Variants in ABLIM2 observed in about 807,000 individuals in gnomAD.
The protein encoded by ABLIM2 is actin-binding LIM protein 2.
In ABLIM2, 53 loss-of-function variants were observed where a neutral mutation model predicts 97.7. That is an observed-to-expected ratio of 0.54 (90% CI 0.44 to 0.68). The LOEUF (loss-of-function observed/expected upper bound fraction) is 0.68. ABLIM2 is among the 30% of genes least tolerant of loss of function. The probability of loss-of-function intolerance (pLI) is 0.00; values close to 1 mark genes in which losing one functional copy is unlikely to be tolerated. For synonymous variants in ABLIM2, 361 were observed against 345.8 expected (o/e 1.04, Z -0.49); for missense variants, 835 against 867.2 (o/e 0.96, Z 0.47).
chr4:8,075,288 C>T lies in ABLIM2; in HGVS notation c.675+2340G>A, dbSNP rs537317377. On this transcript the variant is annotated intron_variant, in intron 6 of 20. Coordinates refer to ENST00000447017, the MANE Select transcript of ABLIM2 (RefSeq NM_001130083.2). The surrounding 1 kb of genome is among the most constrained non-coding windows in gnomAD (Gnocchi z 4.4). ...TAGAATGGTGGTTGCCGAGGGCTTG[C>T]GGGTACGGGGAGTGACAGCTAAAAG... Among the ~76,000 whole-genome samples the T allele has an allele frequency of 2.9e-3, 437 of 152,130 alleles. 2 individuals carry two copies. The highest frequency in any genetic ancestry group is 3.3e-3 in the Non-Finnish European group (222 of 68,004).
intron 6 of ABLIM2, among the ~76,000 whole-genome samples, chr4:8,076,236 G>T (rs1815942207): frequency 6.6e-6 from 1 of 152,230 alleles, no homozygotes; most frequent in Admixed American, 6.5e-5. Flanking sequence ...TTTGAAAGAA[G>T]GTGGCCTGAG....
intron 20 of ABLIM2, among the ~76,000 whole-genome samples, chr4:7,975,017 G>A (rs1413639736): frequency 1.3e-5 from 2 of 152,318 alleles, no homozygotes; most frequent in Admixed American, 6.5e-5. Context: ...CCAGGAATTT[G>A]AGACCAGCCA....
At chr4:8,057,230 C>G (rs1799870401) in intron 7 of ABLIM2, among the ~76,000 whole-genome samples, 1 of 151,740 alleles carries the variant, frequency 6.6e-6, no homozygotes, top group Non-Finnish European at 1.5e-5. Context: ...TTCTGAGTAG[C>G]TGGGATTACA....
intron 9 of ABLIM2, among the ~76,000 whole-genome samples, chr4:8,038,515 C>T (rs552643932): frequency 6.6e-6 from 1 of 152,298 alleles, no homozygotes; most frequent in East Asian, 1.9e-4. Context: ...CCCATGTCCC[C>T]AGGTGTGCCA....
In ABLIM2 at chr4:8,140,821, G is replaced by A. The variant is rs556378177; in HGVS notation, c.10+17859C>T. Among the ~76,000 whole-genome samples, 2 of 152,284 alleles carry A rather than the reference G, an allele frequency of 1.3e-5. No homozygotes were observed. Among genetic ancestry groups the A allele is most frequent in the African/African-American group, 4.8e-5 (2 of 41,548 alleles). On this transcript the variant is annotated intron_variant, in intron 1 of 20. Coordinates refer to ENST00000447017, the MANE Select transcript of ABLIM2 (RefSeq NM_001130083.2). This position sits in a 1 kb window ranked among gnomAD's most constrained non-coding sequence, Gnocchi z 5.9. ...TTTACCCCAGCTCCTGAGTCAGGGT[G>A]GGGTTCAGGGCAGGGAGGTGGCTGC...
rs1373753086 is a variant in ABLIM2, at chr4:8,058,329, T to C, written c.763+2638A>G. On this transcript the variant is annotated intron_variant, in intron 7 of 20. Coordinates refer to ENST00000447017, the MANE Select transcript of ABLIM2 (RefSeq NM_001130083.2). The surrounding 1 kb of genome is among the most constrained non-coding windows in gnomAD (Gnocchi z 4.2). ...GAACAGGCGACACCGGGGACGAGGC[T>C]GTCCTGTCTGACATCACCCCGCTGG... Among the ~76,000 whole-genome samples, 1 of 152,188 alleles carries C rather than the reference T, an allele frequency of 6.6e-6. No individual in the cohort carries two copies. The highest frequency in any genetic ancestry group is 2.4e-5 in the African/African-American group (1 of 41,458).
At chr4:8,059,916 AAAAAAAAAAAAC>A (rs768971437) in intron 7 of ABLIM2, among the ~76,000 whole-genome samples, 21,606 of 105,164 alleles carry the variant, frequency 0.21, 1,968 homozygotes, top group East Asian at 0.55. Context: ...CAAAAAAAAA[AAAAAAAAAAAAC>A]CCCAAAAAAC....
rs1181880876 is a variant in ABLIM2 at position 8,127,598 on chromosome 4, G to T, written c.11-20961C>A. On this transcript the variant is annotated intron_variant, in intron 1 of 20. Transcript: ENST00000447017. This position sits in a 1 kb window ranked among gnomAD's most constrained non-coding sequence, Gnocchi z 7.3. The stretch of plus-strand genomic sequence containing the variant: ...GAGCGTGGCTGCTTGCAAAGGGCCA[G>T]CGGGTCGGCGGCTCTCCCTCTGCGT... 7.8e-7 allele frequency: 1 copy of T among 1,289,532 alleles called. No individual in the cohort carries two copies. The highest frequency in any genetic ancestry group is 5.5e-5 in the East Asian group (1 of 18,028). The allele number at this position is 1,289,532 out of a possible 1,614,324, so 79.9% of individuals were successfully genotyped here.
In ABLIM2 at chr4:8,027,606, C is replaced by T. The variant is rs1019199956; in HGVS notation, c.1267+153G>A. Among the ~76,000 whole-genome samples, 6 of 152,146 alleles carry T rather than the reference C, an allele frequency of 3.9e-5. No homozygotes were observed. The East Asian group carries it at 5.8e-4, about 15-fold the overall frequency. ...CCAGGAACATTTGCTCATGGACACACGGAGCCAGACACACAAGACACACAC... is the reference window on the plus strand; with the variant it reads ...CCAGGAACATTTGCTCATGGACACATGGAGCCAGACACACAAGACACACAC... On this transcript the variant is annotated intron_variant, in intron 12 of 20. Coordinates refer to ENST00000447017, the MANE Select transcript of ABLIM2 (RefSeq NM_001130083.2).
chr4:8,060,264 A>G (rs902498718), intron 7 of ABLIM2, among the ~76,000 whole-genome samples: 5 of 152,196 alleles, frequency 3.3e-5, no homozygotes, highest in Non-Finnish European at 7.3e-5. Flanking sequence ...AAAAGGGTTA[A>G]TCTGGGAGGA....
At chr4:8,062,708 G>C (rs1032189113) in intron 6 of ABLIM2, among the ~76,000 whole-genome samples, 10 of 152,090 alleles carry the variant, frequency 6.6e-5, no homozygotes, top group Admixed American at 5.9e-4. Flanking sequence ...CAAAGTGTTG[G>C]GATTACAGGC....
chr4:8,006,885 G>C (rs566576034), intron 16 of ABLIM2: 25 of 401,910 alleles, frequency 6.2e-5, no homozygotes, highest in African/African-American at 4.8e-4. Flanking sequence ...GCAGGGGGGG[G>C]GTGGCTTTCC....
rs1440166109 is a variant in ABLIM2 at position 8,085,360 on chromosome 4, TC to T, written c.454+2808del. 6.6e-6 allele frequency among the ~76,000 whole-genome samples: 1 copy of T among 152,150 alleles called. No individual in the cohort carries two copies. The highest frequency in any genetic ancestry group is 1.5e-5 in the Non-Finnish European group (1 of 68,004). On this transcript the variant is annotated intron_variant, in intron 4 of 20. Transcript: ENST00000447017. This position sits in a 1 kb window ranked among gnomAD's most constrained non-coding sequence, Gnocchi z 6.1. ...CAACCATCTATTGCTCCTCACGGCCTCCAGATGTACCGAGAACACCACGGCG... is the reference window on the plus strand; with the variant it reads ...CAACCATCTATTGCTCCTCACGGCCTCAGATGTACCGAGAACACCACGGCG...
chr4:7,972,866 G>T (rs113091506), intron 20 of ABLIM2, among the ~76,000 whole-genome samples: 1 of 152,116 alleles, frequency 6.6e-6, no homozygotes, highest in South Asian at 2.1e-4. Flanking sequence ...GTCACCCTCA[G>T]TCTACCAGGA....
Position 8,150,051 on chromosome 4 carries a change from C to T in ABLIM2, c.10+8629G>A, listed in dbSNP as rs547486227. 3.3e-5 allele frequency among the ~76,000 whole-genome samples: 5 copies of T among 152,168 alleles called. No individual in the cohort carries two copies. The highest frequency in any genetic ancestry group is 7.4e-5 in the Non-Finnish European group (5 of 68,018). ...ACCACCTGCACCCAAGTTCCCACTG[C>T]ACCTACTCAGGGAGCCTAAATGGAG... On this transcript the variant is annotated intron_variant, in intron 1 of 20. Transcript: ENST00000447017. The surrounding 1 kb of genome is among the most constrained non-coding windows in gnomAD (Gnocchi z 6.3).
intron 1 of ABLIM2, among the ~76,000 whole-genome samples, chr4:8,137,234 C>A (rs573738382): frequency 3.3e-5 from 5 of 152,228 alleles, no homozygotes; most frequent in Admixed American, 2.6e-4. Context: ...CGCTAGGACC[C>A]CCCCACTCTG....
In ABLIM2 at chr4:8,097,221, C is replaced by A. The variant is rs753188753; in HGVS notation, c.216G>T (p.Thr72=). 96 of 1,583,734 alleles carry A rather than the reference C, an allele frequency of 6.1e-5. No homozygotes were observed. Among genetic ancestry groups the A allele is most frequent in the Non-Finnish European group, 7.9e-5 (92 of 1,166,000 alleles). Residue 72 remains threonine (T), a synonymous_variant, in exon 3 of 21, where the codon ACG becomes ACT. Coordinates refer to ENST00000447017, the MANE Select transcript of ABLIM2 (RefSeq NM_001130083.2). ...TGCCGTAGAGCCTCTGGTAGTCCAG[C>A]GTGCAGATGTACTCGCCCTGCCGCA... is the stretch of plus-strand genomic sequence containing the variant. ...FFVRQGEYIC[T]LDYQRLYGTR...
At chr4:8,056,990 T>TATCAAAAC (rs1799661146) in intron 7 of ABLIM2, among the ~76,000 whole-genome samples, 1 of 119,770 alleles carries the variant, frequency 8.3e-6, no homozygotes, top group Admixed American at 8.2e-5. Flanking sequence ...TTAAATTAAA[T>TATCAAAAC]ATCAAAACAT....
At position 8,130,221 on chromosome 4, in the gene ABLIM2, G is replaced by A. The variant is rs149184745; in HGVS notation, c.11-23584C>T. Among the ~76,000 whole-genome samples the A allele has an allele frequency of 9.2e-5, 14 of 152,362 alleles. No individual in the cohort carries two copies. Among genetic ancestry groups the A allele is most frequent in the African/African-American group, 3.4e-4 (14 of 41,594 alleles). On this transcript the variant is annotated intron_variant, in intron 1 of 20. Coordinates refer to ENST00000447017, the MANE Select transcript of ABLIM2 (RefSeq NM_001130083.2). This position sits in a 1 kb window ranked among gnomAD's most constrained non-coding sequence, Gnocchi z 4.2. ...GATGGCTCACAGGGCCAGGGATGGA[G>A]ACGCAGGGTGGCCAGGGTGGTGCTG...
Sources: allele counts gnomAD v4.1 joint callset (sites outside exome capture counted in the v4.1 genomes callset), GRCh38; gene constraint gnomAD v4.1.1; non-coding constraint Gnocchi (gnomAD v3.1); transcripts MANE v1.5; gene names NCBI Gene and HGNC (gene_info 2026-07-23, HGNC 2026-07-21).